ATRNL1: variants seen among roughly 807,000 people sequenced by gnomAD.
The protein encoded by ATRNL1 is attractin-like protein 1.
In ATRNL1, 95 loss-of-function variants were observed where a neutral mutation model predicts 182.7. The observed-to-expected ratio is 0.52, with a 90% CI of 0.44 to 0.62. ATRNL1 has a LOEUF of 0.62. Ranked by LOEUF, ATRNL1 falls within the 20% of genes least tolerant of loss-of-function variation. The probability of loss-of-function intolerance (pLI) is 0.00; values close to 1 mark genes in which losing one functional copy is unlikely to be tolerated. For synonymous variants in ATRNL1, 576 were observed against 568.3 expected (o/e 1.01, Z -0.19); for missense variants, 1,471 against 1,679.5 (o/e 0.88, Z 2.17).
intron 26 of ATRNL1, among the ~76,000 whole-genome samples, chr10:115,687,122 G>A (rs12256635): frequency 0.012 from 1,801 of 152,022 alleles, 33 homozygotes; most frequent in African/African-American, 0.04. Context: ...GGAAAATCTC[G>A]TCTCAGCAAA....
At position 115,727,373 on chromosome 10, in the gene ATRNL1, G is replaced by C. The variant is rs1198200945; in HGVS notation, c.3903+18G>C. ...CATTAGAGGTAGGAACAGCGGTGCTGAAAGAGGACCACTGTGCTTTGCATA... is the reference window on the plus strand; with the variant it reads ...CATTAGAGGTAGGAACAGCGGTGCTCAAAGAGGACCACTGTGCTTTGCATA... On this transcript the variant is annotated intron_variant, in intron 27 of 28. Coordinates refer to ENST00000355044, the MANE Select transcript of ATRNL1 (RefSeq NM_207303.4). 2 of 1,565,510 alleles carry C rather than the reference G, an allele frequency of 1.3e-6. No homozygotes were observed. The highest frequency in any genetic ancestry group is 1.8e-6 in the Non-Finnish European group (2 of 1,136,174).
chr10:115,162,066 C>T (rs1311960522), intron 6 of ATRNL1, among the ~76,000 whole-genome samples: 3 of 151,840 alleles, frequency 2.0e-5, no homozygotes, highest in Admixed American at 6.6e-5. Flanking sequence ...GAAAACACTA[C>T]GTGCTTGTTT....
chr10:115,161,000 T>TA lies in ATRNL1; in HGVS notation c.1004+792dup, dbSNP rs782185834. Among the ~76,000 whole-genome samples the TA allele has an allele frequency of 1.1e-4, 17 of 152,014 alleles. No individual in the cohort carries two copies. In the South Asian group the frequency reaches 3.5e-3, roughly 32 times the overall value. On this transcript the variant is annotated intron_variant, in intron 6 of 28. Coordinates refer to ENST00000355044, the MANE Select transcript of ATRNL1 (RefSeq NM_207303.4). ...TACCCAGTTAAACTTGAATTTCAGA[T>TA]AAAAAACAAGTACATTTTTAGTATA...
intron 26 of ATRNL1, among the ~76,000 whole-genome samples, chr10:115,611,325 A>C (rs1485391168): frequency 6.6e-6 from 1 of 152,158 alleles, no homozygotes; most frequent in South Asian, 2.1e-4. Context: ...AGCAATTTTT[A>C]TCTTACTTAT....
intron 21 of ATRNL1, among the ~76,000 whole-genome samples, chr10:115,439,211 G>A (rs1846546991): frequency 6.6e-6 from 1 of 151,874 alleles, no homozygotes; most frequent in African/African-American, 2.4e-5. Context: ...TGAGGAAGAG[G>A]AGGGGTTGGT....
intron 20 of ATRNL1, among the ~76,000 whole-genome samples, chr10:115,396,012 T>G (rs889284958): frequency 6.6e-6 from 1 of 151,792 alleles, no homozygotes; most frequent in South Asian, 2.1e-4. Flanking sequence ...TATAAAAATT[T>G]ATACCTAAAG....
chr10:115,609,787 G>A (rs988724170), intron 26 of ATRNL1, among the ~76,000 whole-genome samples: 1 of 152,194 alleles, frequency 6.6e-6, no homozygotes, highest in Non-Finnish European at 1.5e-5. Context: ...CAAATAGTTC[G>A]TTACACTGAG....
At chr10:115,287,491 A>G (rs1489846024) in intron 15 of ATRNL1, among the ~76,000 whole-genome samples, 3 of 85,484 alleles carry the variant, frequency 3.5e-5, no homozygotes, top group African/African-American at 1.1e-4. Context: ...TAAATAGTTA[A>G]TATTGAAACT....
intron 5 of ATRNL1, among the ~76,000 whole-genome samples, chr10:115,153,277 G>C (rs980586897): frequency 7.2e-5 from 11 of 152,158 alleles, no homozygotes; most frequent in Non-Finnish European, 1.6e-4. Context: ...GGTTGGAATA[G>C]TTTCAGAAGG....
At chr10:115,267,059 A>AGATATTTCTACTTCT in intron 12 of ATRNL1, 54 bp downstream of exon 12, 2 of 1,216,870 alleles carry the variant, frequency 1.6e-6, no homozygotes, top group African/African-American at 1.5e-5. Flanking sequence ...CTTCTACAGA[A>AGATATTTCTACTTCT]GTAGAAATAT....
At chr10:115,143,293 T>G (rs1554878490) in intron 5 of ATRNL1, among the ~76,000 whole-genome samples, 1 of 152,178 alleles carries the variant, frequency 6.6e-6, no homozygotes, top group African/African-American at 2.4e-5. Context: ...TTTATAAGAT[T>G]TTGTTGCCTC....
chr10:115,634,026 G>A (rs1051318928), intron 26 of ATRNL1, among the ~76,000 whole-genome samples: 1 of 151,930 alleles, frequency 6.6e-6, no homozygotes, highest in Admixed American at 6.6e-5. Flanking sequence ...TGAGAATTTT[G>A]AAATTTTGTT....
intron 26 of ATRNL1, among the ~76,000 whole-genome samples, chr10:115,565,502 T>G (rs1358453193): frequency 6.6e-6 from 1 of 152,102 alleles, no homozygotes; most frequent in Non-Finnish European, 1.5e-5. Context: ...ACCATGTTAT[T>G]GTGTTGAGTA....
At chr10:115,915,179 C>T (rs1052020473) in intron 28 of ATRNL1, among the ~76,000 whole-genome samples, 8 of 152,098 alleles carry the variant, frequency 5.3e-5, no homozygotes, top group African/African-American at 1.2e-4. Context: ...AGGCGGATCA[C>T]GAAGTCAGGA....
At chr10:115,229,635 T>C (rs1220511862) in intron 9 of ATRNL1, among the ~76,000 whole-genome samples, 1 of 152,162 alleles carries the variant, frequency 6.6e-6, no homozygotes, top group Non-Finnish European at 1.5e-5. Context: ...TATCAGAGAT[T>C]TATTAAAATG....
chr10:115,684,448 G>GTTT (rs371832562), intron 26 of ATRNL1, among the ~76,000 whole-genome samples: 89 of 143,212 alleles, frequency 6.2e-4, no homozygotes, highest in South Asian at 6.6e-4. Flanking sequence ...AAAAGTTTCT[G>GTTT]TTTTTTTTTT....
intron 27 of ATRNL1, among the ~76,000 whole-genome samples, chr10:115,826,333 G>A (rs2907561): frequency 0.73 from 111,392 of 151,750 alleles, 40,944 homozygotes; most frequent in Admixed American, 0.8. Context: ...TCCCTTCTTC[G>A]CTCCCATAGC....
intron 27 of ATRNL1, among the ~76,000 whole-genome samples, chr10:115,744,018 T>C (rs1948218920): frequency 6.6e-6 from 1 of 152,072 alleles, no homozygotes; most frequent in African/African-American, 2.4e-5. Context: ...GAGTAAATAT[T>C]GAGTATTAAT....
intron 10 of ATRNL1, among the ~76,000 whole-genome samples, chr10:115,258,779 G>A (rs918147238): frequency 6.6e-6 from 1 of 152,088 alleles, no homozygotes; most frequent in African/African-American, 2.4e-5. Flanking sequence ...TTTGATTTTG[G>A]TGACCTACAG....
Sources: allele counts gnomAD v4.1 joint callset (sites outside exome capture counted in the v4.1 genomes callset), GRCh38; gene constraint gnomAD v4.1.1; transcripts MANE v1.5; gene names NCBI Gene and HGNC (gene_info 2026-07-23, HGNC 2026-07-21).